Variants in CATSPERB observed in about 807,000 individuals in gnomAD.
CATSPERB encodes catsper channel auxiliary subunit beta, also known as cation channel sperm-associated auxiliary subunit beta.
In CATSPERB, 93 loss-of-function variants were observed where a neutral mutation model predicts 128.3. That is an observed-to-expected ratio of 0.72 (90% CI 0.61 to 0.86). The LOEUF (loss-of-function observed/expected upper bound fraction) is 0.86. CATSPERB is among the 40% of genes least tolerant of loss of function. The pLI, the probability that CATSPERB is intolerant of heterozygous loss-of-function variation, is 0.00. For synonymous variants in CATSPERB, 381 were observed against 448.8 expected, an observed-to-expected ratio of 0.85 and a Z score of 1.91; for missense variants, 1,153 against 1,329.5, an observed-to-expected ratio of 0.87 and a Z score of 2.06.
intron 15 of CATSPERB, among the ~76,000 whole-genome samples, chr14:91,652,284 A>G (rs941580120): frequency 1.3e-5 from 2 of 152,180 alleles, no homozygotes; most frequent in African/African-American, 4.8e-5. Context: ...AAGACTTGAA[A>G]AGAATTTACA....
intron 11 of CATSPERB, among the ~76,000 whole-genome samples, chr14:91,680,037 G>A (rs1189087305): frequency 6.6e-6 from 1 of 152,126 alleles, no homozygotes; most frequent in Non-Finnish European, 1.5e-5. Context: ...AACAATCAAA[G>A]TATACTGCCT....
chr14:91,637,025 C>T (rs1894387842), intron 16 of CATSPERB, among the ~76,000 whole-genome samples: 1 of 152,234 alleles, frequency 6.6e-6, no homozygotes, highest in Non-Finnish European at 1.5e-5. Flanking sequence ...TCCCAACTGG[C>T]AGCATAAGCT....
chr14:91,691,181 T>C (rs4904805), intron 10 of CATSPERB, among the ~76,000 whole-genome samples: 20,204 of 152,004 alleles, frequency 0.13, 1,624 homozygotes, highest in African/African-American at 0.22. Flanking sequence ...ACCACCTTAC[T>C]CTCTTCAGTC....
chr14:91,592,852 A>G (rs1893433434), intron 22 of CATSPERB, among the ~76,000 whole-genome samples: 1 of 152,214 alleles, frequency 6.6e-6, no homozygotes, highest in Non-Finnish European at 1.5e-5. Flanking sequence ...AGAGACCTTC[A>G]TGGCAGCCCC....
intron 5 of CATSPERB, among the ~76,000 whole-genome samples, chr14:91,716,248 C>A (rs537287825): frequency 5.9e-5 from 9 of 152,068 alleles, no homozygotes; most frequent in Non-Finnish European, 1.3e-4. Context: ...GGCAAATAAG[C>A]ACAAAAAAAG....
At chr14:91,618,359 G>A (rs1399127741) in intron 19 of CATSPERB, among the ~76,000 whole-genome samples, 3 of 152,166 alleles carry the variant, frequency 2.0e-5, no homozygotes, top group African/African-American at 7.2e-5. Flanking sequence ...AACCATCTGG[G>A]AATGCAACCC....
intron 1 of CATSPERB, among the ~76,000 whole-genome samples, chr14:91,731,511 A>C (rs1896210087): frequency 6.6e-6 from 1 of 152,218 alleles, no homozygotes; most frequent in Admixed American, 6.5e-5. Flanking sequence ...TGGGGATAAC[A>C]GGCACTTCAC....
intron 21 of CATSPERB, among the ~76,000 whole-genome samples, 159 bp downstream of exon 21, chr14:91,610,321 A>T (rs1311004986): frequency 1.4e-4 from 22 of 152,250 alleles, no homozygotes; most frequent in Admixed American, 1.4e-3. Flanking sequence ...TACAGCTTAG[A>T]AATCATCACA....
At chr14:91,581,678 A>G (rs1020713723) in intron 26 of CATSPERB, among the ~76,000 whole-genome samples, 3 of 152,224 alleles carry the variant, frequency 2.0e-5, no homozygotes, top group African/African-American at 4.8e-5. Flanking sequence ...AAGCAAGTAA[A>G]TTTCTGGAGG....
intron 13 of CATSPERB, 88 bp from the exon 14 acceptor site, chr14:91,670,060 G>T: frequency 8.7e-7 from 1 of 1,146,646 alleles, no homozygotes; most frequent in Non-Finnish European, 1.3e-6. Flanking sequence ...GATTAAGAGA[G>T]AGATACAATC....
Position 91,621,768 on chromosome 14 carries a change from T to A in CATSPERB, c.2100A>T (p.Leu700Phe), listed in dbSNP as rs757661562. 1 of 1,614,202 alleles carries A rather than the reference T, an allele frequency of 6.2e-7. No individual in the cohort carries two copies. The highest frequency in any genetic ancestry group is 8.5e-7 in the Non-Finnish European group (1 of 1,180,026). The change falls in exon 19 of 27, where the codon TTA (leucine) becomes TTT (phenylalanine). Residue 700 changes from leucine to phenylalanine, a missense_variant. Coordinates refer to ENST00000256343, the MANE Select transcript of CATSPERB (RefSeq NM_024764.4). ...NMTFLKSTWF[L>F]YNFGQRNGRT... is the part of the protein sequence containing the mutation. ...GTCCATTCCTTTGCCCAAAGTTGTA[T>A]AAGAACCATGTGCTCTTTAGAAAGG... is the stretch of plus-strand genomic sequence containing the variant.
At chr14:91,671,681 A>T (rs943998990) in intron 13 of CATSPERB, among the ~76,000 whole-genome samples, 6 of 151,438 alleles carry the variant, frequency 4.0e-5, no homozygotes, top group Admixed American at 6.6e-5. Flanking sequence ...CTTTTTTTTT[A>T]AAAGCAATTT....
rs144968455 is a variant in CATSPERB at position 91,720,544 on chromosome 14, A to G, written c.310-1066T>C. Among the ~76,000 whole-genome samples the G allele has an allele frequency of 1.1e-3, 171 of 152,238 alleles. 1 individual carries two copies. The highest frequency in any genetic ancestry group is 3.8e-3 in the African/African-American group (156 of 41,560). On this transcript the variant is annotated intron_variant, in intron 4 of 26. Coordinates refer to ENST00000256343, the MANE Select transcript of CATSPERB (RefSeq NM_024764.4). The stretch of plus-strand genomic sequence containing the variant: ...ATTTAACAAAAGAAGTATAAAACTT[A>G]TACTCTGAAAACATAAAACATTGTT...
rs182217266 is a variant in CATSPERB, at chr14:91,659,595, A to G, written c.1432+242T>C. On this transcript the variant is annotated intron_variant, in intron 15 of 26. Coordinates refer to ENST00000256343, the MANE Select transcript of CATSPERB (RefSeq NM_024764.4). ...TGTAGCTTGACAAGTGGTAGCTGTT[A>G]TTATTTGGCTTTTGGGACAGTAAAA... is the stretch of plus-strand genomic sequence containing the variant. 9.8e-5 allele frequency among the ~76,000 whole-genome samples: 15 copies of G among 152,344 alleles called. No individual in the cohort carries two copies. The East Asian group carries it at 2.9e-3, about 29-fold the overall frequency.
intron 22 of CATSPERB, among the ~76,000 whole-genome samples, chr14:91,606,313 A>G (rs1320867371): frequency 6.6e-6 from 1 of 152,070 alleles, no homozygotes; most frequent in Non-Finnish European, 1.5e-5. Context: ...CTATAAACTC[A>G]GCACTTTGAG....
In CATSPERB at chr14:91,672,976, C is replaced by T. The variant is rs753696533; in HGVS notation, c.1019G>A (p.Trp340Ter). 6.3e-7 allele frequency: 1 copy of T among 1,587,654 alleles called. No individual in the cohort carries two copies. Among genetic ancestry groups the T allele is most frequent in the East Asian group, 2.3e-5 (1 of 44,218 alleles). The stretch of plus-strand genomic sequence containing the variant: ...AAAAATGTGAGGTAAGCAGGGTACC[C>T]ATTCAAGAAATGGTTCCTGACTATA... ...CFYSQEPFLE[W>*]VPCLPHIFKG... The change falls in exon 13 of 27, where the codon TGG (tryptophan) becomes TAG (stop). Residue 340 changes from tryptophan (W) to a stop codon, truncating the protein, a stop_gained. Coordinates refer to ENST00000256343, the MANE Select transcript of CATSPERB (RefSeq NM_024764.4). LOFTEE classifies it high-confidence loss of function.
intron 15 of CATSPERB, among the ~76,000 whole-genome samples, chr14:91,640,000 AGATGGAT>A (rs1894462249): frequency 6.6e-6 from 1 of 151,958 alleles, no homozygotes; most frequent in East Asian, 1.9e-4. Context: ...ATCCATCTTT[AGATGGAT>A]AATTCCCAAA....
chr14:91,636,069 T>G (rs17127483), intron 17 of CATSPERB: 86 of 178,420 alleles, frequency 4.8e-4, no homozygotes, highest in African/African-American at 1.8e-3. Flanking sequence ...GCCCAAAAAT[T>G]TAGATTCTAT....
intron 1 of CATSPERB, among the ~76,000 whole-genome samples, chr14:91,730,014 G>A (rs1566743357): frequency 6.6e-6 from 1 of 152,132 alleles, no homozygotes; most frequent in East Asian, 1.9e-4. Context: ...TGTTTCCATG[G>A]TGAATTGCTT....
Sources: allele counts gnomAD v4.1 joint callset (sites outside exome capture counted in the v4.1 genomes callset), GRCh38; gene constraint gnomAD v4.1.1; transcripts MANE v1.5; gene names NCBI Gene and HGNC (gene_info 2026-07-23, HGNC 2026-07-21).